The following UBP1 variants were observed in gnomAD, a reference collection of about 807,000 sequenced individuals.
UBP1 encodes upstream binding protein 1.
Under a neutral mutation model 76.1 loss-of-function variants are expected in UBP1, and 22 were observed. The ratio of observed to expected loss-of-function variants is 0.29; its 90% CI spans 0.21 to 0.41. The LOEUF (loss-of-function observed/expected upper bound fraction) is 0.41. Ranked by LOEUF, UBP1 falls within the 10% of genes least tolerant of loss-of-function variation. The pLI, the probability that UBP1 is intolerant of heterozygous loss-of-function variation, is 1.00. For missense variants in UBP1, 436 were observed against 668.1 expected (o/e 0.65, Z 3.83); for synonymous variants, 224 against 237.1 (o/e 0.94, Z 0.51).
intron 14 of UBP1, 61 bp downstream of exon 14, chr3:33,393,251 A>G: frequency 6.7e-7 from 1 of 1,490,142 alleles, no homozygotes; most frequent in Admixed American, 2.3e-5. Context: ...CTACAGTTCT[A>G]CAATTACATG....
At chr3:33,394,758 G>T (rs1352150704) in intron 13 of UBP1, among the ~76,000 whole-genome samples, 1 of 149,632 alleles carries the variant, frequency 6.7e-6, no homozygotes, top group East Asian at 2.0e-4. Context: ...ATATAGAAAT[G>T]ATCTAGAGCA....
At chr3:33,431,241 C>T (rs988256290) in intron 1 of UBP1, among the ~76,000 whole-genome samples, 4 of 151,980 alleles carry the variant, frequency 2.6e-5, no homozygotes, top group African/African-American at 9.7e-5. Context: ...TAAGAAGGGA[C>T]CAAGTGAGAA....
intron 1 of UBP1, among the ~76,000 whole-genome samples, chr3:33,427,628 A>AGAGAACGTTAT (rs2045040457): frequency 6.6e-6 from 1 of 152,244 alleles, no homozygotes. Flanking sequence ...AAACCCTGGG[A>AGAGAACGTTAT]GAGAACGTTA....
At chr3:33,399,392 A>AG (rs1441855662) in intron 11 of UBP1, among the ~76,000 whole-genome samples, 4 of 152,120 alleles carry the variant, frequency 2.6e-5, no homozygotes, top group Non-Finnish European at 5.9e-5. Flanking sequence ...ACATTCCCTT[A>AG]GCTTACTGTG....
rs1214432090 is a variant in UBP1, at chr3:33,388,722, ACT to A, written c.*1607_*1608del. Reference sequence around the variant, plus strand: ...CAAAGGGAAAAAGTCAGAAAGGAAAACTCTCTGCCTATAGGATCTATAGGAGT... The same window carrying A: ...CAAAGGGAAAAAGTCAGAAAGGAAAACTCTGCCTATAGGATCTATAGGAGT... On this transcript the variant is annotated 3_prime_UTR_variant, in exon 16 of 16. Coordinates refer to ENST00000283629, the MANE Select transcript of UBP1 (RefSeq NM_014517.5). 6.6e-6 allele frequency: 1 copy of A among 152,104 alleles called. No homozygotes were observed. The highest frequency in any genetic ancestry group is 1.9e-4 in the East Asian group (1 of 5,196). 9.4% of individuals were successfully genotyped at this position (152,104 alleles called of 1,614,324 possible). A position where few individuals can be genotyped will look rare whatever the true frequency, so the allele number is the denominator to read the frequency against.
chr3:33,409,640 T>C (rs750362676), intron 5 of UBP1, 39 bp from the exon 6 acceptor site: 3 of 1,613,200 alleles, frequency 1.9e-6, no homozygotes, highest in African/African-American at 2.7e-5. Flanking sequence ...TCAAAGAACT[T>C]CCACTGGTTA....
At position 33,400,225 on chromosome 3, in the gene UBP1, A is replaced by C; in HGVS notation, c.1144T>G (p.Phe382Val). The change falls in exon 11 of 16, where the codon TTC becomes GTC. Residue 382 changes from phenylalanine (F) to valine (V), a missense_variant. This residue lies in a region of UBP1 where 210 missense variants were observed against 272.8 expected (regional missense o/e 0.77). Coordinates refer to ENST00000283629, the MANE Select transcript of UBP1 (RefSeq NM_014517.5). ...GAGAACAGTCTTGTGTAGGAAGAGA[A>C]TCTGTTTTTGAGCAGCCATTGCTGT... The part of the protein sequence containing the change: ...ETQQWLLKNR[F>V]SSYTRLFSNF... 1.2e-6 allele frequency: 2 copies of C among 1,603,906 alleles called. No individual in the cohort carries two copies. Among genetic ancestry groups the C allele is most frequent in the Non-Finnish European group, 1.7e-6 (2 of 1,176,822 alleles).
intron 8 of UBP1, among the ~76,000 whole-genome samples, chr3:33,404,135 G>A (rs865843902): frequency 6.6e-6 from 1 of 152,136 alleles, no homozygotes; most frequent in South Asian, 2.1e-4. Flanking sequence ...TAATGAGGCC[G>A]GGCGCGGTGG....
intron 2 of UBP1, among the ~76,000 whole-genome samples, chr3:33,420,488 C>CT (rs749437546): frequency 0.12 from 14,695 of 120,482 alleles, 1,635 homozygotes; most frequent in African/African-American, 0.27. Context: ...ACCATACTGG[C>CT]TTTTTTTTTT....
chr3:33,426,018 T>TAA, intron 1 of UBP1, among the ~76,000 whole-genome samples: 1 of 101,154 alleles, frequency 9.9e-6, no homozygotes, highest in South Asian at 3.6e-4. Flanking sequence ...TATATATATA[T>TAA]ATATATATAT....
At chr3:33,404,871 A>C (rs2044374912) in intron 8 of UBP1, among the ~76,000 whole-genome samples, 1 of 152,208 alleles carries the variant, frequency 6.6e-6, no homozygotes, top group Admixed American at 6.5e-5. Flanking sequence ...AAGAAAAAAC[A>C]AAATTGCTCA....
Position 33,425,706 on chromosome 3 carries a change from T to C in UBP1, c.149A>G (p.Asp50Gly). 1 of 1,598,952 alleles carries C rather than the reference T, an allele frequency of 6.3e-7. No individual in the cohort carries two copies. Among genetic ancestry groups the C allele is most frequent in the Non-Finnish European group, 8.6e-7 (1 of 1,168,104 alleles). ...TTCACCATCCAATGGAAGGCTGGAA[T>C]CTTCCTGCTTGAAAATGGGCAATGC... ...VLALPIFKQEDSSLPLDGETE... is the reference protein window; with the variant it reads ...VLALPIFKQEGSSLPLDGETE... Residue 50 changes from aspartate (D) to glycine (G), a missense_variant, in exon 2 of 16, where the codon GAT (aspartate) becomes GGT (glycine). By Grantham distance (94) the Asp-to-Gly change is moderately conservative. Transcript: ENST00000283629.
intron 4 of UBP1, 37 bp downstream of exon 4, chr3:33,412,685 A>G: frequency 7.7e-7 from 1 of 1,291,690 alleles, no homozygotes; most frequent in Non-Finnish European, 1.1e-6. Flanking sequence ...GCTAAACAAT[A>G]CCCTCATCTC....
chr3:33,413,429 A>G (rs1402360358), intron 3 of UBP1, among the ~76,000 whole-genome samples: 2 of 151,336 alleles, frequency 1.3e-5, no homozygotes, highest in Non-Finnish European at 2.9e-5. Context: ...CGCCTGTAGT[A>G]CCAGCTACTT....
At chr3:33,406,331 G>C (rs934688517) in intron 8 of UBP1, among the ~76,000 whole-genome samples, 2 of 152,210 alleles carry the variant, frequency 1.3e-5, no homozygotes, top group Non-Finnish European at 2.9e-5. Context: ...ACTGTTTGAT[G>C]AACCCAAGAC....
chr3:33,420,359 T>C (rs1473693470), intron 2 of UBP1, among the ~76,000 whole-genome samples: 2 of 152,188 alleles, frequency 1.3e-5, no homozygotes, highest in Non-Finnish European at 2.9e-5. Context: ...AGAGTCTCAC[T>C]CTATTGCCCA....
At chr3:33,432,511 G>T (rs77187930) in intron 1 of UBP1, among the ~76,000 whole-genome samples, 2 of 152,108 alleles carry the variant, frequency 1.3e-5, no homozygotes, top group Non-Finnish European at 2.9e-5. Flanking sequence ...AGACAAAGTA[G>T]TAACTAAACA....
chr3:33,412,378 T>A lies in UBP1; in HGVS notation c.448+344A>T, dbSNP rs531276008. Among the ~76,000 whole-genome samples, 9 of 151,718 alleles carry A rather than the reference T, an allele frequency of 5.9e-5. No homozygotes were observed. The East Asian group carries it at 1.7e-3, about 29-fold the overall frequency. The stretch of plus-strand genomic sequence containing the variant: ...AATAATGTATATACATACATACATA[T>A]ATATGTATGTGTGTGCGTATGTATA... On this transcript the variant is annotated intron_variant, in intron 4 of 15. Transcript: ENST00000283629.
At chr3:33,404,891 A>G (rs1261934067) in intron 8 of UBP1, among the ~76,000 whole-genome samples, 2 of 152,162 alleles carry the variant, frequency 1.3e-5, no homozygotes, top group African/African-American at 4.8e-5. Flanking sequence ...ATATGTATAA[A>G]ATTCTAGAAG....
Sources: allele counts gnomAD v4.1 joint callset (sites outside exome capture counted in the v4.1 genomes callset), GRCh38; gene constraint gnomAD v4.1.1; regional missense constraint gnomAD v4.1.1; transcripts MANE v1.5; gene names NCBI Gene and HGNC (gene_info 2026-07-23, HGNC 2026-07-21).